Variants in TMEM132C observed in about 807,000 individuals in gnomAD.
TMEM132C encodes protein phosphatase 1, regulatory subunit 152.
A neutral mutation model predicts 61.4 loss-of-function variants in TMEM132C; 29 were observed. The observed-to-expected ratio is 0.47, with a 90% CI of 0.35 to 0.64. The LOEUF (loss-of-function observed/expected upper bound fraction) is 0.64. Among genes scored for constraint, TMEM132C ranks in the 30% least tolerant of loss-of-function variants. The pLI, the probability that TMEM132C is intolerant of heterozygous loss-of-function variation, is 0.00. For missense variants in TMEM132C, 1,408 were observed against 1,476.9 expected (o/e 0.95, Z 0.76); for synonymous variants, 656 against 633.1 (o/e 1.04, Z -0.54).
chr12:128,286,300 G>A (rs572154710), intron 1 of TMEM132C, among the ~76,000 whole-genome samples: 31 of 152,322 alleles, frequency 2.0e-4, no homozygotes, highest in Non-Finnish European at 4.0e-4. Context: ...TTGGTGGAAT[G>A]TGCCCACTCC....
At chr12:128,520,220 G>T (rs367693370) in intron 2 of TMEM132C, among the ~76,000 whole-genome samples, 3 of 152,294 alleles carry the variant, frequency 2.0e-5, no homozygotes, top group East Asian at 1.9e-4. Context: ...CAGAGCCCTC[G>T]CTCAGCAGTC....
In TMEM132C at chr12:128,339,325, G is replaced by A. The variant is rs549989346; in HGVS notation, c.85+71838G>A. Reference sequence around the variant, plus strand: ...GCCATGGGAGCCCAGGGGGTTGGAGGTCTGTCTGTCTTCTGCTCTAATCTT... The same window carrying A: ...GCCATGGGAGCCCAGGGGGTTGGAGATCTGTCTGTCTTCTGCTCTAATCTT... On this transcript the variant is annotated intron_variant, in intron 1 of 8. Transcript: ENST00000435159. Among the ~76,000 whole-genome samples, 394 of 152,160 alleles carry A rather than the reference G, an allele frequency of 2.6e-3. 1 individual carries two copies. The highest frequency in any genetic ancestry group is 4.1e-3 in the Non-Finnish European group (282 of 68,004).
chr12:128,355,984 C>A (rs1399117741), intron 1 of TMEM132C, among the ~76,000 whole-genome samples: 1 of 152,140 alleles, frequency 6.6e-6, no homozygotes, highest in Non-Finnish European at 1.5e-5. Context: ...AGCAGGTCAT[C>A]TCTGTGTGGT....
intron 3 of TMEM132C, among the ~76,000 whole-genome samples, chr12:128,580,735 C>T (rs552755884): frequency 1.7e-4 from 26 of 152,298 alleles, no homozygotes; most frequent in Non-Finnish European, 3.7e-4. Context: ...CCCCACCGCT[C>T]CCTGAGACTA....
chr12:128,445,321 AT>A, intron 2 of TMEM132C, among the ~76,000 whole-genome samples: 1 of 152,288 alleles, frequency 6.6e-6, no homozygotes, highest in East Asian at 1.9e-4. Flanking sequence ...AGAGGGTGCT[AT>A]TTAGAAGATT....
At chr12:128,687,290 T>C (rs1479402335) in intron 5 of TMEM132C, among the ~76,000 whole-genome samples, 1 of 151,910 alleles carries the variant, frequency 6.6e-6, no homozygotes, top group African/African-American at 2.4e-5. Flanking sequence ...GCCTCGGTGC[T>C]ATTGACATCT....
At chr12:128,321,538 G>A (rs1393510418) in intron 1 of TMEM132C, among the ~76,000 whole-genome samples, 2 of 152,328 alleles carry the variant, frequency 1.3e-5, no homozygotes, top group South Asian at 2.1e-4. Flanking sequence ...GGCTCCTTGT[G>A]TAGATAGAAA....
intron 5 of TMEM132C, among the ~76,000 whole-genome samples, chr12:128,690,290 C>T (rs926572496): frequency 3.9e-5 from 6 of 152,126 alleles, no homozygotes; most frequent in East Asian, 3.9e-4. Context: ...GAAACAAAGC[C>T]GAGGGACTAA....
intron 1 of TMEM132C, among the ~76,000 whole-genome samples, chr12:128,410,781 T>C (rs1455946078): frequency 6.6e-6 from 1 of 152,208 alleles, no homozygotes; most frequent in Non-Finnish European, 1.5e-5. Context: ...AAATTAACAT[T>C]GATACAAAAT....
chr12:128,679,750 C>T (rs1340077063), intron 5 of TMEM132C, among the ~76,000 whole-genome samples: 1 of 152,152 alleles, frequency 6.6e-6, no homozygotes, highest in Non-Finnish European at 1.5e-5. Flanking sequence ...CCCACTTTCA[C>T]AAATTTATCT....
intron 3 of TMEM132C, among the ~76,000 whole-genome samples, chr12:128,547,205 G>T (rs1027196078): frequency 6.6e-6 from 1 of 152,078 alleles, no homozygotes; most frequent in Non-Finnish European, 1.5e-5. Context: ...TGAGGGTTGC[G>T]CAGTCAAGTA....
intron 4 of TMEM132C, among the ~76,000 whole-genome samples, chr12:128,652,050 C>T (rs1049162487): frequency 1.3e-5 from 2 of 152,230 alleles, no homozygotes; most frequent in African/African-American, 4.8e-5. Flanking sequence ...CCAGAAGTCA[C>T]ATGCCTGGAC....
intron 1 of TMEM132C, among the ~76,000 whole-genome samples, chr12:128,397,309 C>A (rs1193715657): frequency 6.6e-6 from 1 of 152,202 alleles, no homozygotes. Context: ...CTGGTTAGGG[C>A]TTCGCCGTGT....
chr12:128,527,715 G>GTGTGTGTT (rs1873136874), intron 2 of TMEM132C, among the ~76,000 whole-genome samples: 1 of 151,584 alleles, frequency 6.6e-6, no homozygotes, highest in Non-Finnish European at 1.5e-5. Flanking sequence ...GTATGTGTGT[G>GTGTGTGTT]TGTGTGTGTG....
At chr12:128,334,717 TC>T (rs772701788) in intron 1 of TMEM132C, among the ~76,000 whole-genome samples, 4 of 151,604 alleles carry the variant, frequency 2.6e-5, no homozygotes, top group Non-Finnish European at 4.4e-5. Flanking sequence ...GGCCTCAGCC[TC>T]CCGAGTAGCT....
chr12:128,303,291 T>G (rs1871656562), intron 1 of TMEM132C, among the ~76,000 whole-genome samples: 1 of 152,220 alleles, frequency 6.6e-6, no homozygotes, highest in Non-Finnish European at 1.5e-5. Context: ...CAAATTTTAG[T>G]GTCTTCAGCA....
Position 128,567,429 on chromosome 12 carries a change from G to GACAC in TMEM132C, c.1121+23370_1121+23373dup, listed in dbSNP as rs140541188. Among the ~76,000 whole-genome samples the GACAC allele has an allele frequency of 7.5e-3, 1,022 of 136,320 alleles. 7 individuals are homozygous for GACAC. Among genetic ancestry groups the GACAC allele is most frequent in the East Asian group, 0.024 (109 of 4,584 alleles). 89.4% of individuals were successfully genotyped at this position (136,320 alleles called of 152,430 possible). A position where few individuals can be genotyped will look rare whatever the true frequency, so the allele number is the denominator to read the frequency against. On this transcript the variant is annotated intron_variant, in intron 3 of 8. Coordinates refer to ENST00000435159, the MANE Select transcript of TMEM132C (RefSeq NM_001136103.3). ...GATCATAAGTGTCCACATACCCATAGACACACACACACACACACACACACA... is the reference window on the plus strand; with the variant it reads ...GATCATAAGTGTCCACATACCCATAGACACACACACACACACACACACACACACA...
intron 1 of TMEM132C, among the ~76,000 whole-genome samples, chr12:128,342,242 C>G (rs994133869): frequency 6.6e-6 from 1 of 152,054 alleles, no homozygotes. Context: ...CTCCTGACCT[C>G]GTGATCTGCC....
At chr12:128,607,393 C>T (rs1015343564) in intron 3 of TMEM132C, among the ~76,000 whole-genome samples, 2 of 152,018 alleles carry the variant, frequency 1.3e-5, no homozygotes, top group Non-Finnish European at 2.9e-5. Context: ...AGGTTTAGGC[C>T]GGAGAAATCT....
Sources: gnomAD v4.1 joint callset for allele counts (sites outside exome capture counted in the v4.1 genomes callset) on GRCh38, gnomAD v4.1.1 for gene constraint, MANE v1.5 for transcripts, NCBI Gene and HGNC (gene_info 2026-07-23, HGNC 2026-07-21) for gene names.